HSD11B1: variants seen among roughly 807,000 people sequenced by gnomAD.
The protein encoded by HSD11B1 is 11-beta-hydroxysteroid dehydrogenase 1.
In HSD11B1, 15 loss-of-function variants were observed where a neutral mutation model predicts 22.1. That is an observed-to-expected ratio of 0.68 (90% CI 0.45 to 1.04). The LOEUF is 1.04. Among genes scored for constraint, HSD11B1 ranks in the 50% least tolerant of loss-of-function variants. The pLI, the probability that HSD11B1 is intolerant of heterozygous loss-of-function variation, is 0.00. For missense variants in HSD11B1, 281 were observed against 357.6 expected, an observed-to-expected ratio of 0.79 and a Z score of 1.73; for synonymous variants, 122 against 125.2, an observed-to-expected ratio of 0.97 and a Z score of 0.17.
At chr1:209,725,003 T>A (rs2076992292) in intron 4 of HSD11B1, among the ~76,000 whole-genome samples, 1 of 152,198 alleles carries the variant, frequency 6.6e-6, no homozygotes, top group Non-Finnish European at 1.5e-5. Flanking sequence ...AACTAAGGAT[T>A]TTCTTTTCAT....
intron 1 of HSD11B1, among the ~76,000 whole-genome samples, chr1:209,693,949 C>T (rs2076775869): frequency 6.6e-6 from 1 of 152,128 alleles, no homozygotes; most frequent in Non-Finnish European, 1.5e-5. Context: ...TCTCACCTTC[C>T]TTGACCTCTC....
At chr1:209,711,601 A>G (rs945273707) in intron 4 of HSD11B1, among the ~76,000 whole-genome samples, 1 of 152,106 alleles carries the variant, frequency 6.6e-6, no homozygotes, top group Non-Finnish European at 1.5e-5. Flanking sequence ...GGGGATGGGT[A>G]GAAGTACGCA....
At chr1:209,698,155 A>AAGAT (rs969572337) in intron 1 of HSD11B1, among the ~76,000 whole-genome samples, 1 of 146,556 alleles carries the variant, frequency 6.8e-6, no homozygotes, top group Admixed American at 7.0e-5. Flanking sequence ...ATAGGTAGAT[A>AAGAT]AGATAGATAG....
At chr1:209,715,318 C>A (rs1463213262) in intron 4 of HSD11B1, among the ~76,000 whole-genome samples, 1 of 152,050 alleles carries the variant, frequency 6.6e-6, no homozygotes, top group African/African-American at 2.4e-5. Context: ...TGTGTGTCTA[C>A]ATATACATGC....
rs114594184 is a variant in HSD11B1 at position 209,733,137 on chromosome 1, G to A, written c.661+558G>A. On this transcript the variant is annotated intron_variant, in intron 5 of 5. Transcript: ENST00000367027. ...CTCATGGACACTCAATGGCCATTACGTTTCTATATGAGACTTATCAAAATA... is the reference window on the plus strand; with the variant it reads ...CTCATGGACACTCAATGGCCATTACATTTCTATATGAGACTTATCAAAATA... 8.6e-3 allele frequency among the ~76,000 whole-genome samples: 1,315 copies of A among 152,190 alleles called. 14 individuals carry two copies. Among genetic ancestry groups the A allele is most frequent in the African/African-American group, 0.029 (1,195 of 41,488 alleles).
chr1:209,692,623 G>GGGGGGGGGGGT (rs2076768360), intron 1 of HSD11B1, among the ~76,000 whole-genome samples: 1 of 118,444 alleles, frequency 8.4e-6, no homozygotes, highest in Admixed American at 8.5e-5. Flanking sequence ...GGGGGGTGGG[G>GGGGGGGGGGGT]GCTCGGTTCT....
In HSD11B1 at chr1:209,688,618, A is replaced by T. The variant is rs577450700; in HGVS notation, c.-49+2333A>T. 5.9e-5 allele frequency among the ~76,000 whole-genome samples: 9 copies of T among 152,240 alleles called. No individual in the cohort carries two copies. In the South Asian group the frequency reaches 1.7e-3, roughly 28 times the overall value. On this transcript the variant is annotated intron_variant, in intron 1 of 6. Transcript: ENST00000261465. ...CCATGCAATAAAAAGTCTTGTTTCC[A>T]TGCTCTTGACTCTTCAGTAACTTGG...
rs1442118982 is a variant in HSD11B1, at chr1:209,706,680, C to T, written c.220-29C>T. ...ACCCCCCAAAAATCTGCAGCTAAGA[C>T]TGATGCCATTTCTGCTGTATCACTG... On this transcript the variant is annotated intron_variant, in intron 2 of 5. Transcript: ENST00000367027. This position sits in a 1 kb window ranked among gnomAD's most constrained non-coding sequence, Gnocchi z 4.0. 1.3e-6 allele frequency: 2 copies of T among 1,521,958 alleles called. No individual in the cohort carries two copies. 94.3% of individuals were successfully genotyped at this position (1,521,958 alleles called of 1,614,324 possible).
intron 1 of HSD11B1, among the ~76,000 whole-genome samples, chr1:209,705,431 T>A (rs907541071): frequency 6.7e-6 from 1 of 149,686 alleles, no homozygotes. Flanking sequence ...GGAAAATCCC[T>A]GGAATTTCTA....
Position 209,734,676 on chromosome 1 carries a change from T to G in HSD11B1, c.*155T>G. On this transcript the variant is annotated 3_prime_UTR_variant, in exon 6 of 6. Transcript: ENST00000367027. The stretch of plus-strand genomic sequence containing the variant: ...ACAAATGGAAGGAGTTCCTCTAACA[T>G]TTGCAAAATGGAAATGTAATAATAA... 1.5e-6 allele frequency: 1 copy of G among 660,750 alleles called. No individual in the cohort carries two copies. The highest frequency in any genetic ancestry group is 2.7e-6 in the Non-Finnish European group (1 of 368,842). 40.9% of individuals were successfully genotyped at this position (660,750 alleles called of 1,614,324 possible).
At chr1:209,717,090 G>A (rs1406245922) in intron 4 of HSD11B1, among the ~76,000 whole-genome samples, 1 of 152,076 alleles carries the variant, frequency 6.6e-6, no homozygotes, top group Admixed American at 6.6e-5. Flanking sequence ...CATAGAAAAG[G>A]AAACAATCAA....
At chr1:209,691,374 C>CA (rs2076758798) in intron 1 of HSD11B1, among the ~76,000 whole-genome samples, 2 of 152,174 alleles carry the variant, frequency 1.3e-5, no homozygotes, top group Admixed American at 1.3e-4. Context: ...GGTCTCAAAA[C>CA]ATTTCCTTAT....
intron 4 of HSD11B1, among the ~76,000 whole-genome samples, chr1:209,715,633 A>G (rs920772825): frequency 4.6e-5 from 7 of 152,234 alleles, no homozygotes; most frequent in African/African-American, 1.7e-4. Context: ...CAAAACAAAT[A>G]GTAGTAACAG....
At chr1:209,723,045 C>T (rs2076976433) in intron 4 of HSD11B1, among the ~76,000 whole-genome samples, 2 of 152,140 alleles carry the variant, frequency 1.3e-5, no homozygotes, top group South Asian at 2.1e-4. Flanking sequence ...GCTGAGTCCC[C>T]GCATTTCTGG....
chr1:209,694,260 C>A (rs1224902308), intron 1 of HSD11B1, among the ~76,000 whole-genome samples: 2 of 152,154 alleles, frequency 1.3e-5, no homozygotes, highest in Non-Finnish European at 2.9e-5. Context: ...CCATTACACA[C>A]TCAAAAAATG....
chr1:209,712,028 C>G (rs2076901077), intron 4 of HSD11B1, among the ~76,000 whole-genome samples: 1 of 152,194 alleles, frequency 6.6e-6, no homozygotes, highest in African/African-American at 2.4e-5. Flanking sequence ...AGGTTTCATT[C>G]AAGTGCACTT....
intron 1 of HSD11B1, among the ~76,000 whole-genome samples, chr1:209,687,470 T>C (rs1178100914): frequency 6.6e-6 from 1 of 152,260 alleles, no homozygotes; most frequent in Non-Finnish European, 1.5e-5. Flanking sequence ...GCTCTTTCTT[T>C]ATACTAATTT....
intron 1 of HSD11B1, 61 bp from the exon 2 acceptor site, chr1:209,705,750 G>C: frequency 6.2e-7 from 1 of 1,607,044 alleles, no homozygotes; most frequent in Non-Finnish European, 8.5e-7. Flanking sequence ...TATCCAGAGA[G>C]GGAGAAGGAA....
chr1:209,726,825 G>A (rs2077005724), intron 4 of HSD11B1, among the ~76,000 whole-genome samples: 1 of 152,168 alleles, frequency 6.6e-6, no homozygotes, highest in Non-Finnish European at 1.5e-5. Context: ...TCCATAAGTG[G>A]TATAAAAATA....
Sources: gnomAD v4.1 joint callset for allele counts (sites outside exome capture counted in the v4.1 genomes callset) on GRCh38, gnomAD v4.1.1 for gene constraint, Gnocchi (gnomAD v3.1) non-coding constraint, MANE v1.5 for transcripts, NCBI Gene and HGNC (gene_info 2026-07-23, HGNC 2026-07-21) for gene names.